The following GLYATL1 variants were observed in gnomAD, a reference collection of about 807,000 sequenced individuals.
GLYATL1 encodes the protein glycine-N-acyltransferase like 1, also known as glycine N-acyltransferase-like protein 1.
In GLYATL1, 15 loss-of-function variants were observed where a neutral mutation model predicts 20.0. That is an observed-to-expected ratio of 0.75 (90% CI 0.50 to 1.15). GLYATL1 has a LOEUF of 1.15. GLYATL1 is among the 50% of genes most tolerant of loss of function. The pLI is 0.00. For synonymous variants in GLYATL1, 151 were observed against 131.5 expected, an observed-to-expected ratio of 1.15 and a Z score of -1.01; for missense variants, 380 against 368.5, an observed-to-expected ratio of 1.03 and a Z score of -0.26.
At chr11:58,920,105 C>A (rs1034190140) in intron 1 of GLYATL1, among the ~76,000 whole-genome samples, 1 of 152,170 alleles carries the variant, frequency 6.6e-6, no homozygotes, top group Non-Finnish European at 1.5e-5. Context: ...GCCATTGCTG[C>A]CTGTTTTGCC....
intron 4 of GLYATL1, among the ~76,000 whole-genome samples, chr11:58,950,450 C>A (rs1026084787): frequency 1.3e-5 from 2 of 152,200 alleles, no homozygotes; most frequent in East Asian, 1.9e-4. Flanking sequence ...AGAGTCAATG[C>A]AATGCTATTT....
intron 1 of GLYATL1, among the ~76,000 whole-genome samples, chr11:58,916,383 C>T (rs1360736601): frequency 2.0e-5 from 3 of 152,204 alleles, no homozygotes; most frequent in Non-Finnish European, 4.4e-5. Flanking sequence ...TATGGTTCTA[C>T]TGCCTTCACA....
At chr11:58,908,684 C>T (rs1854968976), downstream of GLYATL1, 1 of 152,256 alleles carries the variant, frequency 6.6e-6, no homozygotes, top group South Asian at 2.1e-4. Context: ...ATTTGGGGAG[C>T]TCATACACAT....
intron 1 of GLYATL1, chr11:58,934,396 C>G (rs1855736216): frequency 6.6e-6 from 1 of 152,282 alleles, no homozygotes; most frequent in Non-Finnish European, 1.5e-5. Context: ...TGATGCTGGC[C>G]TAGGGCTGTG....
Position 58,921,658 on chromosome 11 carries a change from G to C in GLYATL1, n.264+15997G>C, listed in dbSNP as rs552049954. ...TTCCAGACCAGCCTCTTCCATGACC[G>C]CATCCATGACCCCTTGCAAAGCCAG... On this transcript the variant is annotated intron_variant and non_coding_transcript_variant, in intron 1 of 2. Transcript: ENST00000534674. 4.6e-5 allele frequency among the ~76,000 whole-genome samples: 7 copies of C among 152,180 alleles called. No homozygotes were observed. In the East Asian group the frequency reaches 1.2e-3, roughly 25 times the overall value.
chr11:58,943,801 T>C, intron 2 of GLYATL1, 135 bp downstream of exon 2: 1 of 1,334,686 alleles, frequency 7.5e-7, no homozygotes, highest in Non-Finnish European at 9.9e-7. Flanking sequence ...ACAGATTTGA[T>C]CTTGGAATTA....
intron 1 of GLYATL1, 78 bp downstream of exon 1, chr11:58,939,728 C>G (rs752270369): frequency 6.6e-6 from 1 of 152,168 alleles, no homozygotes; most frequent in African/African-American, 2.4e-5. Context: ...TTTCCACTTG[C>G]GGGTTGAATA....
upstream of GLYATL1, among the ~76,000 whole-genome samples, chr11:58,938,748 G>A (rs965363957): frequency 1.3e-5 from 2 of 152,156 alleles, no homozygotes; most frequent in Non-Finnish European, 2.9e-5. Context: ...AAGCACAGGG[G>A]TCTAGTTCCA....
chr11:58,952,869 G>A (rs1010748580), intron 4 of GLYATL1, among the ~76,000 whole-genome samples: 1 of 152,128 alleles, frequency 6.6e-6, no homozygotes, highest in East Asian at 1.9e-4. Flanking sequence ...AAGTAGTCTG[G>A]AAATTTCTTA....
intron 1 of GLYATL1, among the ~76,000 whole-genome samples, chr11:58,918,253 C>T (rs1855225678): frequency 6.6e-6 from 1 of 152,204 alleles, no homozygotes. Context: ...TTAAATCCAC[C>T]AAAGAATGAA....
At chr11:58,911,128 T>C (rs1481397339), downstream of GLYATL1, among the ~76,000 whole-genome samples, 1 of 152,220 alleles carries the variant, frequency 6.6e-6, no homozygotes, top group African/African-American at 2.4e-5. Flanking sequence ...CATTTAAGAT[T>C]CATGAGTATT....
At chr11:58,924,881 C>T (rs1057470568), upstream of GLYATL1, among the ~76,000 whole-genome samples, 1 of 152,154 alleles carries the variant, frequency 6.6e-6, no homozygotes. Flanking sequence ...AGTAAAAGGG[C>T]TGACAAAAGG....
chr11:58,917,426 G>A (rs1266270655), intron 1 of GLYATL1: 1 of 152,206 alleles, frequency 6.6e-6, no homozygotes, highest in Non-Finnish European at 1.5e-5. Flanking sequence ...CGCTTCTAAG[G>A]TGGGCTAGCT....
intron 1 of GLYATL1, among the ~76,000 whole-genome samples, chr11:58,931,152 G>T (rs1855583327): frequency 6.6e-6 from 1 of 152,192 alleles, no homozygotes. Flanking sequence ...TGTTGGTGCT[G>T]TGAGGGAAAG....
At chr11:58,912,043 G>A (rs1257504295), downstream of GLYATL1, among the ~76,000 whole-genome samples, 5 of 152,152 alleles carry the variant, frequency 3.3e-5, no homozygotes, top group Non-Finnish European at 1.5e-5. Flanking sequence ...TGTTCATTGT[G>A]TAAAAAATTA....
intron 1 of GLYATL1, among the ~76,000 whole-genome samples, chr11:58,928,877 C>G (rs1171219531): frequency 1.3e-5 from 2 of 152,114 alleles, no homozygotes; most frequent in African/African-American, 4.8e-5. Flanking sequence ...TCAAACTACC[C>G]CCAAGAGGGC....
At chr11:58,925,074 G>A (rs1855396258), upstream of GLYATL1, among the ~76,000 whole-genome samples, 1 of 152,162 alleles carries the variant, frequency 6.6e-6, no homozygotes, top group Non-Finnish European at 1.5e-5. Context: ...TTCCTAGGCT[G>A]GCTTGAGTTT....
intron 4 of GLYATL1, among the ~76,000 whole-genome samples, chr11:58,949,948 ACCTCCCCTCC>A (rs149728564): frequency 6.7e-6 from 1 of 149,456 alleles, no homozygotes; most frequent in Non-Finnish European, 1.5e-5. Context: ...ATAACCTCTT[ACCTCCCCTCC>A]CCTCCTCTCC....
intron 1 of GLYATL1, among the ~76,000 whole-genome samples, chr11:58,905,911 G>A (rs1475712845): frequency 1.3e-5 from 2 of 152,222 alleles, no homozygotes; most frequent in Non-Finnish European, 2.9e-5. Context: ...TCCATCCAAT[G>A]AGAGAAAACA....
Sources: allele counts gnomAD v4.1 joint callset (sites outside exome capture counted in the v4.1 genomes callset), GRCh38; gene constraint gnomAD v4.1.1; transcripts MANE v1.5; gene names NCBI Gene and HGNC (gene_info 2026-07-23, HGNC 2026-07-21).